LRRC56: variants seen among roughly 807,000 people sequenced by gnomAD.
LRRC56 encodes leucine-rich repeat-containing protein 56.
A neutral mutation model predicts 47.8 loss-of-function variants in LRRC56; 41 were observed. That is an observed-to-expected ratio of 0.86 (90% CI 0.67 to 1.11). The LOEUF (loss-of-function observed/expected upper bound fraction) is 1.11. Ranked by LOEUF, LRRC56 falls within the 50% of genes most tolerant of loss-of-function variation. The pLI, the probability that LRRC56 is intolerant of heterozygous loss-of-function variation, is 0.00. For missense variants in LRRC56, 759 were observed against 704.2 expected, an observed-to-expected ratio of 1.08 and a Z score of -0.88; for synonymous variants, 387 against 311.2, an observed-to-expected ratio of 1.24 and a Z score of -2.56.
intron 3 of LRRC56, 39 bp from the exon 4 acceptor site, chr11:540,635 G>GCAA: frequency 6.4e-7 from 1 of 1,569,682 alleles, no homozygotes; most frequent in Non-Finnish European, 8.7e-7. Flanking sequence ...AGGAGGAGGA[G>GCAA]CAACAGCGTG....
At chr11:522,493 C>T in the LRRC56 span, among the ~76,000 whole-genome samples, 2 of 152,148 alleles carry the variant, frequency 1.3e-5, no homozygotes, top group Non-Finnish European at 2.9e-5. Context: ...CTCTCGATCT[C>T]CTGACCTCGT....
At chr11:540,630 G>A in intron 3 of LRRC56, 44 bp from the exon 4 acceptor site, 1 of 1,552,726 alleles carries the variant, frequency 6.4e-7, no homozygotes, top group Non-Finnish European at 8.8e-7. Flanking sequence ...TGCAGAGGAG[G>A]AGGAGCAACA....
chr11:522,507 T>C, the LRRC56 span, among the ~76,000 whole-genome samples: 134 of 152,208 alleles, frequency 8.8e-4, 1 homozygote, highest in Admixed American at 2.8e-3. Context: ...ACCTCGTGAT[T>C]CGCCCACCTC....
At chr11:534,281 C>T (rs777038147), upstream of LRRC56, 17 of 1,613,314 alleles carry the variant, frequency 1.1e-5, no homozygotes, top group African/African-American at 2.3e-4. Context: ...CACTCTTGCC[C>T]ACACCGCCGG....
the LRRC56 span, among the ~76,000 whole-genome samples, chr11:513,193 T>C: frequency 1.3e-5 from 2 of 152,246 alleles, no homozygotes; most frequent in East Asian, 3.8e-4. Flanking sequence ...AGTTTGAATA[T>C]CACGCAGGCT....
At chr11:520,802 T>C in the LRRC56 span, among the ~76,000 whole-genome samples, 1 of 152,114 alleles carries the variant, frequency 6.6e-6, no homozygotes, top group South Asian at 2.1e-4. Context: ...GAGGCCGTGC[T>C]CACCCCTACG....
upstream of LRRC56, among the ~76,000 whole-genome samples, chr11:532,966 G>C (rs970285163): frequency 2.6e-5 from 4 of 152,196 alleles, no homozygotes; most frequent in Non-Finnish European, 5.9e-5. Context: ...GCCCCTCAAA[G>C]GTCAGGGTGG....
chr11:551,446 C>T, intron 9 of LRRC56, 144 bp downstream of exon 9: 3 of 795,654 alleles, frequency 3.8e-6, no homozygotes, highest in Middle Eastern at 4.8e-4. Context: ...CTGTGCACAC[C>T]CGGCCCCAGG....
At chr11:515,306 G>A in the LRRC56 span, among the ~76,000 whole-genome samples, 4 of 152,180 alleles carry the variant, frequency 2.6e-5, no homozygotes. Flanking sequence ...AGATGCTGCA[G>A]ATGAGTCCTT....
At chr11:529,944 G>A in the LRRC56 span, among the ~76,000 whole-genome samples, 2 of 152,178 alleles carry the variant, frequency 1.3e-5, no homozygotes, top group Admixed American at 6.5e-5. Flanking sequence ...GGCATGAGGG[G>A]GCTTCCGTGG....
At position 554,324 on chromosome 11, in the gene LRRC56, C is replaced by T. The variant is rs1370567237; in HGVS notation, c.*48C>T. On this transcript the variant is annotated 3_prime_UTR_variant, in exon 14 of 14. Transcript: ENST00000270115. ...CCCTGTGCTGGGGCCACGACTTGCC[C>T]ACATATGTGGTCACAGAGCACAGAA... The T allele has an allele frequency of 6.3e-6, 9 of 1,436,524 alleles. No homozygotes were observed. In the East Asian group the frequency reaches 1.0e-4, roughly 16 times the overall value. The allele number at this position is 1,436,524 out of a possible 1,614,324, so 89.0% of individuals were successfully genotyped here.
At chr11:550,300 T>C (rs1852318509) in intron 8 of LRRC56, 28 bp downstream of exon 8, 2 of 1,498,838 alleles carry the variant, frequency 1.3e-6, no homozygotes, top group East Asian at 4.9e-5. Flanking sequence ...CCGGCCAGCA[T>C]GTGCATGGCC....
At chr11:520,771 T>C in the LRRC56 span, among the ~76,000 whole-genome samples, 11 of 152,234 alleles carry the variant, frequency 7.2e-5, no homozygotes, top group East Asian at 1.9e-3. Flanking sequence ...CTGAGTTCTG[T>C]CTCCGTCCTT....
chr11:532,210 C>A, the LRRC56 span: 11 of 361,330 alleles, frequency 3.0e-5, no homozygotes, highest in Non-Finnish European at 4.7e-5. Context: ...GCCACACGCG[C>A]ACCGTGTCCC....
At chr11:544,562 G>A (rs1040488714) in intron 5 of LRRC56, among the ~76,000 whole-genome samples, 158 bp from the exon 6 acceptor site, 3 of 152,118 alleles carry the variant, frequency 2.0e-5, no homozygotes, top group African/African-American at 7.2e-5. Flanking sequence ...AGCAGTTCCT[G>A]GGTGCCACGT....
At position 552,654 on chromosome 11, in the gene LRRC56, C is replaced by T. The variant is rs149374711; in HGVS notation, c.1267C>T (p.His423Tyr). 3 of 1,611,564 alleles carry T rather than the reference C, an allele frequency of 1.9e-6. No homozygotes were observed. Among genetic ancestry groups the T allele is most frequent in the African/African-American group, 2.7e-5 (2 of 74,906 alleles). Residue 423 changes from histidine to tyrosine, a missense_variant, in exon 13 of 14, where the codon CAC (histidine) becomes TAC (tyrosine). Physicochemically the swap from His to Tyr is moderately conservative, Grantham distance 83 (BLOSUM62 2). Transcript: ENST00000270115. Reference protein sequence around the residue: ...GPRRVPEEQVHQAEPKTPSSP... With the variant: ...GPRRVPEEQVYQAEPKTPSSP... ...ACGGAGGGTCCCTGAAGAGCAAGTG[C>T]ACCAGGCAGAGCCCAAGACTCCCTC... is the stretch of plus-strand genomic sequence containing the variant.
chr11:532,892 C>T, upstream of LRRC56: 1 of 859,710 alleles, frequency 1.2e-6, no homozygotes, highest in Admixed American at 1.9e-5. Flanking sequence ...GCCCACCACA[C>T]ACACGGGAAG....
chr11:511,516 C>T, the LRRC56 span, among the ~76,000 whole-genome samples: 33,235 of 152,074 alleles, frequency 0.22, 3,850 homozygotes, highest in Middle Eastern at 0.3. Context: ...CTCTGATTCA[C>T]GGGCTAAGCT....
At chr11:534,865 C>T (rs1026261417), upstream of LRRC56, among the ~76,000 whole-genome samples, 2 of 152,216 alleles carry the variant, frequency 1.3e-5, no homozygotes, top group South Asian at 2.1e-4. Flanking sequence ...AGGGCAGACC[C>T]GGGCAGCGCC....
Sources: allele counts gnomAD v4.1 joint callset (sites outside exome capture counted in the v4.1 genomes callset), GRCh38; gene constraint gnomAD v4.1.1; transcripts MANE v1.5; gene names NCBI Gene and HGNC (gene_info 2026-07-23, HGNC 2026-07-21).